PACS2: variants seen among roughly 807,000 people sequenced by gnomAD.
PACS2 encodes phosphofurin acidic cluster sorting protein 2.
PACS2 carries 36 observed loss-of-function variants against 113.0 expected under a neutral mutation model. That is an observed-to-expected ratio of 0.32 (90% CI 0.24 to 0.42). PACS2 has a LOEUF of 0.42. Ranked by LOEUF, PACS2 falls within the 10% of genes least tolerant of loss-of-function variation. The probability of loss-of-function intolerance (pLI) is 1.00; values close to 1 mark genes in which losing one functional copy is unlikely to be tolerated. For missense variants in PACS2, 1,015 were observed against 1,239.5 expected (o/e 0.82, Z 2.72); for synonymous variants, 589 against 536.1 (o/e 1.10, Z -1.36).
intron 24 of PACS2, 87 bp downstream of exon 24, chr14:105,393,422 G>A (rs1555415580): frequency 1.4e-5 from 12 of 830,946 alleles, no homozygotes; most frequent in South Asian, 3.1e-5. Context: ...TAGGAGCTGC[G>A]GGTGTCTCGC....
intron 8 of PACS2, chr14:105,372,156 T>A (rs1185292869): frequency 6.6e-6 from 1 of 152,286 alleles, no homozygotes; most frequent in Non-Finnish European, 1.5e-5. Context: ...GTGGGTCTGG[T>A]GAGGAGGAGA....
intron 12 of PACS2, 137 bp downstream of exon 12, chr14:105,381,236 T>A: frequency 3.0e-6 from 2 of 676,444 alleles, no homozygotes; most frequent in East Asian, 3.1e-5. Flanking sequence ...ATTCAGGGCC[T>A]CGTCCTTCTT....
In PACS2 at chr14:105,367,201, C is replaced by T. The variant is rs782566725; in HGVS notation, c.424-12C>T. 18 of 1,612,018 alleles carry T rather than the reference C, an allele frequency of 1.1e-5. No individual in the cohort carries two copies. The highest frequency in any genetic ancestry group is 1.4e-5 in the Non-Finnish European group (17 of 1,179,290). ...TCGTGCTGCTTTCTAGAACCGTGCC[C>T]CTGGCCTGCAGGTGATGCAACACCC... On this transcript the variant is annotated splice_polypyrimidine_tract_variant and intron_variant, in intron 4 of 24. Transcript: ENST00000447393.
At chr14:105,342,460 G>A (rs1427187950) in intron 1 of PACS2, among the ~76,000 whole-genome samples, 1 of 151,748 alleles carries the variant, frequency 6.6e-6, no homozygotes, top group Admixed American at 6.6e-5. Context: ...GTAGAGACAG[G>A]GTTTCGCCAT....
chr14:105,338,141 G>C (rs1395172956), intron 1 of PACS2, among the ~76,000 whole-genome samples: 2 of 152,200 alleles, frequency 1.3e-5, no homozygotes, highest in African/African-American at 4.8e-5. Context: ...AGGAGGAAGC[G>C]GGGGAGTGAC....
At position 105,358,433 on chromosome 14, in the gene PACS2, C is replaced by T. The variant is rs1393388750; in HGVS notation, c.423+3256C>T. Among the ~76,000 whole-genome samples the T allele has an allele frequency of 2.0e-5, 3 of 152,128 alleles. No homozygotes were observed. The highest frequency in any genetic ancestry group is 6.5e-5 in the Admixed American group (1 of 15,282). ...GAGGCAGGTGTGCGGTGGGGGCAGA[C>T]GTGGGGCCTTCTCCTGTGGTGTGGC... is the stretch of plus-strand genomic sequence containing the variant. On this transcript the variant is annotated intron_variant, in intron 4 of 24. Coordinates refer to ENST00000447393, the MANE Select transcript of PACS2 (RefSeq NM_001100913.3). This position sits in a 1 kb window ranked among gnomAD's most constrained non-coding sequence, Gnocchi z 4.9.
Position 105,367,390 on chromosome 14 carries a change from A to G in PACS2, c.586+15A>G. The G allele has an allele frequency of 6.2e-7, 1 of 1,610,012 alleles. No homozygotes were observed. The highest frequency in any genetic ancestry group is 8.5e-7 in the Non-Finnish European group (1 of 1,177,474). Reference sequence around the variant, plus strand: ...CAAGTCCACGGGTGAGTGTGGTGCCAGCCCGCTCCTGCCCCTGCTGTGGGG... The same window carrying G: ...CAAGTCCACGGGTGAGTGTGGTGCCGGCCCGCTCCTGCCCCTGCTGTGGGG... On this transcript the variant is annotated intron_variant, in intron 5 of 24. Transcript: ENST00000447393.
intron 19 of PACS2, among the ~76,000 whole-genome samples, chr14:105,386,868 G>A (rs1180871625): frequency 4.6e-5 from 7 of 152,144 alleles, no homozygotes; most frequent in African/African-American, 9.7e-5. Flanking sequence ...CTCCCCTGCT[G>A]ACCCCCAGCA....
At chr14:105,331,602 A>C (rs2140909921) in intron 1 of PACS2, among the ~76,000 whole-genome samples, 1 of 152,058 alleles carries the variant, frequency 6.6e-6, no homozygotes, top group East Asian at 1.9e-4. Context: ...TGTATTACCC[A>C]CTCCAGGAAA....
chr14:105,340,206 T>G lies in PACS2; in HGVS notation c.120-8287T>G, dbSNP rs2059671821. On this transcript the variant is annotated intron_variant, in intron 1 of 24. Coordinates refer to ENST00000447393, the MANE Select transcript of PACS2 (RefSeq NM_001100913.3). This position sits in a 1 kb window ranked among gnomAD's most constrained non-coding sequence, Gnocchi z 4.2. The stretch of plus-strand genomic sequence containing the variant: ...CCAGCAGAAACACATGCGATCGTAA[T>G]GTGCTTCAGAAATGGCCTCATTCAT... Among the ~76,000 whole-genome samples, 1 of 152,254 alleles carries G rather than the reference T, an allele frequency of 6.6e-6. No individual in the cohort carries two copies. The highest frequency in any genetic ancestry group is 2.4e-5 in the African/African-American group (1 of 41,474).
At chr14:105,385,420 C>G (rs1208465277) in intron 18 of PACS2, among the ~76,000 whole-genome samples, 3 of 152,186 alleles carry the variant, frequency 2.0e-5, no homozygotes, top group African/African-American at 7.2e-5. Context: ...CAGGACGGTG[C>G]TCAGGAGCCC....
rs1482656322 is a variant in PACS2, at chr14:105,324,262, G to T, written c.119+9225G>T. On this transcript the variant is annotated intron_variant, in intron 1 of 24. Transcript: ENST00000447393. This position sits in a 1 kb window ranked among gnomAD's most constrained non-coding sequence, Gnocchi z 4.7. ...TCTGCGGTCAGTCACAGTGACGGGG[G>T]TCTCTTTGGACCCTGTGACTTGTGT... Among the ~76,000 whole-genome samples the T allele has an allele frequency of 6.6e-6, 1 of 152,212 alleles. No individual in the cohort carries two copies. Among genetic ancestry groups the T allele is most frequent in the Non-Finnish European group, 1.5e-5 (1 of 68,036 alleles).
At chr14:105,390,214 C>G (rs1449866726) in intron 20 of PACS2, 2 of 614,020 alleles carry the variant, frequency 3.3e-6, no homozygotes, top group Non-Finnish European at 5.9e-6. Flanking sequence ...TTCCCCTTAG[C>G]TCTGCCTTGG....
At chr14:105,380,847 C>T (rs895203019) in intron 11 of PACS2, 110 bp from the exon 12 acceptor site, 36 of 1,073,804 alleles carry the variant, frequency 3.4e-5, no homozygotes, top group African/African-American at 1.9e-4. Flanking sequence ...GTAGGAGCCA[C>T]GGCCTAGAGA....
At chr14:105,390,908 A>G in intron 20 of PACS2, 1 of 458,284 alleles carries the variant, frequency 2.2e-6, no homozygotes, top group South Asian at 2.9e-5. Context: ...GGTCCCTCTC[A>G]CCAGCGTCCT....
At position 105,329,819 on chromosome 14, in the gene PACS2, C is replaced by T. The variant is rs943977166; in HGVS notation, c.119+14782C>T. Among the ~76,000 whole-genome samples, 2 of 152,174 alleles carry T rather than the reference C, an allele frequency of 1.3e-5. No individual in the cohort carries two copies. The highest frequency in any genetic ancestry group is 2.9e-5 in the Non-Finnish European group (2 of 68,032). On this transcript the variant is annotated intron_variant, in intron 1 of 24. Transcript: ENST00000447393. The surrounding 1 kb of genome is among the most constrained non-coding windows in gnomAD (Gnocchi z 6.4). ...GGACAGGAGACCACCAGGCTCCTTCCAGGAGGGTGAGGTCTCTGCAGCGGG... is the reference window on the plus strand; with the variant it reads ...GGACAGGAGACCACCAGGCTCCTTCTAGGAGGGTGAGGTCTCTGCAGCGGG...
At chr14:105,338,166 C>T (rs1007226332) in intron 1 of PACS2, among the ~76,000 whole-genome samples, 1 of 152,198 alleles carries the variant, frequency 6.6e-6, no homozygotes, top group Non-Finnish European at 1.5e-5. Flanking sequence ...GGAGGACTTC[C>T]AGCCTCCCCT....
At chr14:105,379,995 C>T in intron 10 of PACS2, 85 bp from the exon 11 acceptor site, 1 of 1,385,880 alleles carries the variant, frequency 7.2e-7, no homozygotes, top group Non-Finnish European at 1.0e-6. Flanking sequence ...CCGGGCCTCC[C>T]TGAGTCCCAG....
rs782804875 is a variant in PACS2 at position 105,393,356 on chromosome 14, G to A, written c.2596+21G>A. 9.7e-6 allele frequency: 15 copies of A among 1,550,414 alleles called. No homozygotes were observed. In the South Asian group the frequency reaches 1.4e-4, roughly 15 times the overall value. On this transcript the variant is annotated intron_variant, in intron 24 of 24. Transcript: ENST00000447393. Reference sequence around the variant, plus strand: ...GCGGGGTGAGCACCACCGGCCCCGGGGTCTGTAGAGTGGGACGTAGGTGAG... The same window carrying A: ...GCGGGGTGAGCACCACCGGCCCCGGAGTCTGTAGAGTGGGACGTAGGTGAG...
Sources: allele counts gnomAD v4.1 joint callset (sites outside exome capture counted in the v4.1 genomes callset), GRCh38; gene constraint gnomAD v4.1.1; non-coding constraint Gnocchi (gnomAD v3.1); transcripts MANE v1.5; gene names NCBI Gene and HGNC (gene_info 2026-07-23, HGNC 2026-07-21).